The following HSF2BP variants were observed in gnomAD, a reference collection of about 807,000 sequenced individuals.
HSF2BP encodes the protein heat shock factor 2-binding protein.
Under a neutral mutation model 35.0 loss-of-function variants are expected in HSF2BP, and 35 were observed. The observed-to-expected ratio is 1.00, with a 90% CI of 0.76 to 1.32. The LOEUF (loss-of-function observed/expected upper bound fraction) is 1.32. Among genes scored for constraint, HSF2BP ranks in the 40% most tolerant of loss-of-function variants. HSF2BP has a pLI of 0.00. For synonymous variants in HSF2BP, 114 were observed against 117.4 expected (o/e 0.97, Z 0.18); for missense variants, 326 against 321.7 (o/e 1.01, Z -0.10).
intron 4 of HSF2BP, among the ~76,000 whole-genome samples, chr21:43,638,590 A>C (rs1376681954): frequency 2.0e-5 from 3 of 152,254 alleles, no homozygotes; most frequent in African/African-American, 7.2e-5. Context: ...GAAAATAATT[A>C]GGTAAAAATC....
chr21:43,505,439 G>A, the HSF2BP span, among the ~76,000 whole-genome samples: 6 of 101,122 alleles, frequency 5.9e-5, 1 homozygote, highest in Non-Finnish European at 1.1e-4. Context: ...GCTGTGTGGG[G>A]TTTCCGCGTG....
intron 3 of HSF2BP, among the ~76,000 whole-genome samples, chr21:43,652,632 GAT>G (rs757588482): frequency 9.2e-5 from 14 of 152,124 alleles, no homozygotes; most frequent in Admixed American, 2.0e-4. Flanking sequence ...AGGGCCATCA[GAT>G]CTAGGCCTTA....
At chr21:43,612,685 A>G (rs2082223173) in intron 7 of HSF2BP, among the ~76,000 whole-genome samples, 1 of 149,262 alleles carries the variant, frequency 6.7e-6, no homozygotes, top group South Asian at 2.1e-4. Context: ...GCTCCACAGC[A>G]GGGGATGGTG....
chr21:43,642,241 G>A (rs951640807), intron 4 of HSF2BP, among the ~76,000 whole-genome samples: 8 of 152,116 alleles, frequency 5.3e-5, no homozygotes, highest in African/African-American at 1.9e-4. Flanking sequence ...GCACATCTCT[G>A]TAGTCCCAGC....
At chr21:43,648,028 TCACTGACA>T (rs1046387301) in intron 3 of HSF2BP, among the ~76,000 whole-genome samples, 6 of 152,194 alleles carry the variant, frequency 3.9e-5, no homozygotes, top group Admixed American at 3.3e-4. Context: ...TGCTTTTCAT[TCACTGACA>T]CACATATATG....
intron 4 of HSF2BP, among the ~76,000 whole-genome samples, chr21:43,636,288 AAG>A (rs1010191376): frequency 6.6e-6 from 1 of 151,464 alleles, no homozygotes; most frequent in Non-Finnish European, 1.5e-5. Flanking sequence ...AGGGGAAAAA[AAG>A]AGAATCATAA....
intron 2 of HSF2BP, chr21:43,657,804 G>A (rs979334094): frequency 2.0e-6 from 2 of 981,912 alleles, no homozygotes; most frequent in African/African-American, 1.7e-5. Flanking sequence ...TCCCATGCCC[G>A]CTTTGGCGCC....
At chr21:43,579,895 AG>A (rs1414279268) in intron 8 of HSF2BP, among the ~76,000 whole-genome samples, 1 of 152,234 alleles carries the variant, frequency 6.6e-6, no homozygotes, top group Non-Finnish European at 1.5e-5. Flanking sequence ...CCAAACAGAC[AG>A]GAACAGTGTT....
intron 7 of HSF2BP, among the ~76,000 whole-genome samples, chr21:43,598,492 C>T (rs746109349): frequency 2.6e-5 from 4 of 151,644 alleles, no homozygotes; most frequent in Non-Finnish European, 5.9e-5. Flanking sequence ...AAAGTGCTGG[C>T]ATTACAGGCA....
chr21:43,571,827 G>A (rs2081580984), intron 8 of HSF2BP, among the ~76,000 whole-genome samples: 1 of 135,066 alleles, frequency 7.4e-6, no homozygotes, highest in Non-Finnish European at 1.6e-5. Flanking sequence ...GAGGAGGTCA[G>A]ATCATGGACC....
At chr21:43,649,351 T>A (rs1259498912) in intron 3 of HSF2BP, among the ~76,000 whole-genome samples, 1 of 151,970 alleles carries the variant, frequency 6.6e-6, no homozygotes, top group East Asian at 1.9e-4. Flanking sequence ...GAGAATGGCA[T>A]GAACCAGGAA....
At chr21:43,646,595 T>C (rs1204915262) in intron 3 of HSF2BP, among the ~76,000 whole-genome samples, 1 of 152,198 alleles carries the variant, frequency 6.6e-6, no homozygotes, top group Admixed American at 6.5e-5. Flanking sequence ...TAAAAACCTG[T>C]GGGAATTAAC....
At chr21:43,574,739 G>A (rs1211159164) in intron 8 of HSF2BP, among the ~76,000 whole-genome samples, 1 of 152,122 alleles carries the variant, frequency 6.6e-6, no homozygotes, top group Non-Finnish European at 1.5e-5. Flanking sequence ...GAGACCACAG[G>A]GCACACAGGG....
chr21:43,626,494 A>G (rs2082391092), intron 6 of HSF2BP, among the ~76,000 whole-genome samples: 1 of 152,242 alleles, frequency 6.6e-6, no homozygotes, highest in Non-Finnish European at 1.5e-5. Context: ...TAAATAATTA[A>G]GACCAAACTG....
intron 3 of HSF2BP, among the ~76,000 whole-genome samples, chr21:43,648,210 A>G (rs916106083): frequency 2.6e-5 from 4 of 152,110 alleles, no homozygotes; most frequent in Admixed American, 1.3e-4. Context: ...CTGTGCCCCA[A>G]GAGGCAGATG....
At chr21:43,595,170 G>A (rs1280641945) in intron 7 of HSF2BP, among the ~76,000 whole-genome samples, 1 of 152,156 alleles carries the variant, frequency 6.6e-6, no homozygotes, top group East Asian at 1.9e-4. Context: ...GCTGAGGCAG[G>A]AGAATCTCTT....
At chr21:43,582,511 G>A (rs1213068125) in intron 8 of HSF2BP, among the ~76,000 whole-genome samples, 11 of 128,700 alleles carry the variant, frequency 8.5e-5, no homozygotes, top group African/African-American at 2.7e-4. Context: ...GGCCTGCTGA[G>A]GGAGATGAAG....
At chr21:43,648,006 G>A (rs1279766365) in intron 3 of HSF2BP, among the ~76,000 whole-genome samples, 1 of 151,038 alleles carries the variant, frequency 6.6e-6, no homozygotes, top group Non-Finnish European at 1.5e-5. Flanking sequence ...CCAAACCAGA[G>A]TCAGGGAATT....
At chr21:43,581,876 G>C (rs573007637) in intron 8 of HSF2BP, among the ~76,000 whole-genome samples, 6 of 37,102 alleles carry the variant, frequency 1.6e-4, no homozygotes, top group Admixed American at 1.2e-3. Flanking sequence ...GCCCTGCTGT[G>C]GGGGATGAGG....
Sources: allele counts gnomAD v4.1 joint callset (sites outside exome capture counted in the v4.1 genomes callset), GRCh38; gene constraint gnomAD v4.1.1; transcripts MANE v1.5; gene names NCBI Gene and HGNC (gene_info 2026-07-23, HGNC 2026-07-21).